The following PCDHA6 variants were observed in gnomAD, a reference collection of about 807,000 sequenced individuals.
PCDHA6 encodes protocadherin alpha-6.
Under a neutral mutation model 60.3 loss-of-function variants are expected in PCDHA6, and 55 were observed. The ratio of observed to expected loss-of-function variants is 0.91; its 90% CI spans 0.73 to 1.14. The LOEUF (loss-of-function observed/expected upper bound fraction) is 1.14, where lower values mean the gene tolerates loss of function less well. Among genes scored for constraint, PCDHA6 ranks in the 50% most tolerant of loss-of-function variants. The probability of loss-of-function intolerance (pLI) is 0.00; values close to 1 mark genes in which losing one functional copy is unlikely to be tolerated. For synonymous variants in PCDHA6, 652 were observed against 557.9 expected, an observed-to-expected ratio of 1.17 and a Z score of -2.38; for missense variants, 1,327 against 1,256.5, an observed-to-expected ratio of 1.06 and a Z score of -0.85.
chr5:140,980,545 G>A lies in PCDHA6; in HGVS notation c.2453+1538G>A, dbSNP rs190037193. ...CTAGGGAGGCTGAGGCAGGAGAATC[G>A]CTTGAACCCGGGAGGCGGAAGTTGC... On this transcript the variant is annotated intron_variant, in intron 2 of 3. Transcript: ENST00000529310. 4.1e-3 allele frequency among the ~76,000 whole-genome samples: 627 copies of A among 152,232 alleles called. 4 individuals are homozygous for A. Among genetic ancestry groups the A allele is most frequent in the Non-Finnish European group, 6.8e-3 (460 of 67,996 alleles).
At chr5:140,927,899 A>G (rs1554205221) in intron 1 of PCDHA6, 2 of 1,614,194 alleles carry the variant, frequency 1.2e-6, no homozygotes, top group Admixed American at 1.7e-5. Context: ...GTGAACGATC[A>G]TGCCCCCGAA....
intron 1 of PCDHA6, among the ~76,000 whole-genome samples, chr5:140,899,492 T>A (rs1325439071): frequency 3.9e-5 from 6 of 152,338 alleles, no homozygotes; most frequent in Admixed American, 3.3e-4. Context: ...CTGGATTACA[T>A]TTATTGATTT....
chr5:140,946,974 G>A (rs1554217987), intron 1 of PCDHA6, among the ~76,000 whole-genome samples: 1 of 151,636 alleles, frequency 6.6e-6, no homozygotes, highest in African/African-American at 2.4e-5. Context: ...TTATAGAATA[G>A]AGGATTTTGA....
intron 3 of PCDHA6, among the ~76,000 whole-genome samples, chr5:140,987,537 T>C (rs1343074603): frequency 6.6e-6 from 1 of 152,176 alleles, no homozygotes; most frequent in African/African-American, 2.4e-5. Context: ...CCTGGGACCA[T>C]TACTTAACTT....
At chr5:140,876,181 G>A in intron 1 of PCDHA6, 9 of 1,613,980 alleles carry the variant, frequency 5.6e-6, no homozygotes, top group Non-Finnish European at 7.6e-6. Flanking sequence ...GGATGTGAAT[G>A]ACAATGGTCC....
At chr5:140,979,318 T>C (rs2096844474) in intron 2 of PCDHA6, among the ~76,000 whole-genome samples, 1 of 152,196 alleles carries the variant, frequency 6.6e-6, no homozygotes, top group Non-Finnish European at 1.5e-5. Context: ...CTACCTATGC[T>C]TTCTTTTCCT....
intron 1 of PCDHA6, among the ~76,000 whole-genome samples, chr5:140,900,615 T>C (rs1554189289): frequency 1.3e-5 from 2 of 152,336 alleles, no homozygotes; most frequent in East Asian, 3.9e-4. Context: ...GACATGTAGA[T>C]TGCTTCCAAA....
chr5:140,968,444 A>G (rs781941315), intron 1 of PCDHA6: 1 of 1,614,048 alleles, frequency 6.2e-7, no homozygotes, highest in South Asian at 1.1e-5. Context: ...CCCACCACTG[A>G]GCAGCACTGT....
At chr5:140,872,232 G>A (rs2053558420) in intron 1 of PCDHA6, among the ~76,000 whole-genome samples, 1 of 149,716 alleles carries the variant, frequency 6.7e-6, no homozygotes, top group South Asian at 2.1e-4. Flanking sequence ...CTTTACTTTT[G>A]TCTTTATTCC....
At chr5:140,851,866 C>G in intron 1 of PCDHA6, 1 of 976,572 alleles carries the variant, frequency 1.0e-6, no homozygotes, top group Non-Finnish European at 1.2e-6. Flanking sequence ...TCATACATAA[C>G]ACAAGGCAGA....
chr5:140,915,488 C>T (rs2077146969), intron 1 of PCDHA6, among the ~76,000 whole-genome samples: 1 of 152,126 alleles, frequency 6.6e-6, no homozygotes, highest in Non-Finnish European at 1.5e-5. Flanking sequence ...GGGCCTCAAT[C>T]CCAATAATAC....
chr5:140,841,990 A>C (rs1422352219), intron 1 of PCDHA6: 1 of 1,613,690 alleles, frequency 6.2e-7, no homozygotes, highest in African/African-American at 1.3e-5. Flanking sequence ...CTGAGCTCAC[A>C]GGCACTGTTC....
At chr5:140,985,227 G>A (rs557750656) in intron 3 of PCDHA6, among the ~76,000 whole-genome samples, 5 of 152,206 alleles carry the variant, frequency 3.3e-5, no homozygotes, top group Non-Finnish European at 2.9e-5. Flanking sequence ...GTGAGCCACC[G>A]CGCCTGGCCT....
chr5:140,883,289 C>T, intron 1 of PCDHA6: 2 of 1,614,022 alleles, frequency 1.2e-6, no homozygotes, highest in African/African-American at 1.3e-5. Context: ...GGTGGAAGTA[C>T]TAGATGTAAA....
chr5:140,862,460 A>G (rs1554156366), intron 1 of PCDHA6: 2 of 368,076 alleles, frequency 5.4e-6, no homozygotes, highest in African/African-American at 2.1e-5. Context: ...CCCTGGACCA[A>G]GAGAGCAAAT....
rs1432649344 is a variant in PCDHA6, at chr5:140,870,194, C to T, written c.2394+39709C>T. ...CTCCCAGTACGAGAGGACGCTCAGC[C>T]CAGCACGGTCATTGCCCTGATCAGC... On this transcript the variant is annotated intron_variant, in intron 1 of 3. Transcript: ENST00000529310. 5.0e-6 allele frequency: 8 copies of T among 1,614,050 alleles called. No homozygotes were observed. Among genetic ancestry groups the T allele is most frequent in the Non-Finnish European group, 5.9e-6 (7 of 1,180,054 alleles).
rs2150173940 is a variant in PCDHA6, at chr5:140,829,754, G to T, written c.1663G>T (p.Val555Leu). The change falls in exon 1 of 4, where the codon GTG becomes TTG. Residue 555 changes from valine (V) to leucine (L), a missense_variant. Transcript: ENST00000529310. ...LGSNVTLQVFVLDENDNAPAL... is the reference protein window; with the variant it reads ...LGSNVTLQVFLLDENDNAPAL... ...CAGCAACGTGACGCTGCAGGTGTTC[G>T]TGCTGGACGAGAACGACAACGCGCC... is the stretch of plus-strand genomic sequence containing the variant. 1.9e-6 allele frequency: 3 copies of T among 1,613,740 alleles called. No individual in the cohort carries two copies. The highest frequency in any genetic ancestry group is 2.5e-6 in the Non-Finnish European group (3 of 1,179,874).
chr5:140,848,904 CAA>C, intron 1 of PCDHA6: 1 of 1,608,060 alleles, frequency 6.2e-7, no homozygotes. Flanking sequence ...CCCAGCGACA[CAA>C]AAGAATCTGT....
At position 140,927,806 on chromosome 5, in the gene PCDHA6, T is replaced by C. The variant is rs1554205074; in HGVS notation, c.2395-51143T>C. 4 of 1,614,004 alleles carry C rather than the reference T, an allele frequency of 2.5e-6. No individual in the cohort carries two copies. In the African/African-American group the frequency reaches 5.3e-5, roughly 22 times the overall value. On this transcript the variant is annotated intron_variant, in intron 1 of 3. Transcript: ENST00000529310. ...GCTTCACTAGGTCCGCCTGAAACGC[T>C]CTTGGAGGCATACATTGAGGCGAGG...
Sources: allele counts gnomAD v4.1 joint callset (sites outside exome capture counted in the v4.1 genomes callset), GRCh38; gene constraint gnomAD v4.1.1; transcripts MANE v1.5; gene names NCBI Gene and HGNC (gene_info 2026-07-23, HGNC 2026-07-21).